The following CDKL5 variants were observed in gnomAD, a reference collection of about 807,000 sequenced individuals.
CDKL5 encodes cyclin-dependent kinase-like 5.
Under a neutral mutation model 61.7 loss-of-function variants are expected in CDKL5, and 8 were observed. The observed-to-expected ratio is 0.13, with a 90% CI of 0.08 to 0.23. CDKL5 has a LOEUF of 0.23. Ranked by LOEUF, CDKL5 falls within the 10% of genes least tolerant of loss-of-function variation. The pLI is 1.00. For synonymous variants in CDKL5, 275 were observed against 272.3 expected (o/e 1.01, Z -0.10); for missense variants, 440 against 734.5 (o/e 0.60, Z 4.63).
At chrX:18,595,941 C>T (rs780841603) in intron 10 of CDKL5, among the ~76,000 whole-genome samples, 12 of 111,760 alleles carry the variant, frequency 1.1e-4, no homozygotes, top group Non-Finnish European at 2.1e-4. Context: ...ATGCTACCCT[C>T]CCTGTCCAGA....
chrX:18,483,040 A>G (rs934440125), intron 1 of CDKL5, among the ~76,000 whole-genome samples: 40 of 112,081 alleles, frequency 3.6e-4, no homozygotes, highest in African/African-American at 1.3e-3. Context: ...TACTGGTCTC[A>G]TTTGGGGAAT....
chrX:18,459,698 C>CTTT lies in CDKL5; in HGVS notation c.-163+34026_-163+34028dup, dbSNP rs756249968. The stretch of plus-strand genomic sequence containing the variant: ...GGGGAGGCCTCAGGAAGCTTTCTTT[C>CTTT]TTTTTTTTTTTTTTTTTTTTTTTTT... On this transcript the variant is annotated intron_variant, in intron 1 of 17. Coordinates refer to ENST00000623535, the MANE Select transcript of CDKL5 (RefSeq NM_001323289.2). Among the ~76,000 whole-genome samples the CTTT allele has an allele frequency of 3.2e-3, 172 of 53,567 alleles. 5 individuals carry two copies. The highest frequency in any genetic ancestry group is 7.2e-3 in the African/African-American group (93 of 13,004). The allele number at this position is 53,567 out of a possible 115,157, so 46.5% of individuals were successfully genotyped here.
At chrX:18,580,682 G>A (rs1925449897) in intron 6 of CDKL5, among the ~76,000 whole-genome samples, 1 of 111,748 alleles carries the variant, frequency 8.9e-6, no homozygotes, top group South Asian at 3.7e-4. Flanking sequence ...TTTTACAGTA[G>A]TGGGACACAA....
At chrX:18,563,612 GACA>G (rs1924872815) in intron 3 of CDKL5, among the ~76,000 whole-genome samples, 1 of 111,488 alleles carries the variant, frequency 9.0e-6, no homozygotes, top group Non-Finnish European at 1.9e-5. Flanking sequence ...TTGATGCAGG[GACA>G]ACGTTTTATT....
intron 1 of CDKL5, among the ~76,000 whole-genome samples, chrX:18,432,605 T>C (rs1416856979): frequency 2.0e-5 from 2 of 99,021 alleles, no homozygotes; most frequent in East Asian, 6.4e-4. Context: ...AAAGATGTCT[T>C]TTTTTTTTTT....
At chrX:18,470,623 C>T (rs1443058950) in intron 1 of CDKL5, among the ~76,000 whole-genome samples, 1 of 110,728 alleles carries the variant, frequency 9.0e-6, no homozygotes, top group African/African-American at 3.3e-5. Context: ...TCAGACTGTA[C>T]ACAATTATAA....
At chrX:18,569,704 C>G (rs1602266355) in intron 4 of CDKL5, among the ~76,000 whole-genome samples, 1 of 111,565 alleles carries the variant, frequency 9.0e-6, no homozygotes, top group East Asian at 2.8e-4. Context: ...AACCTATTGT[C>G]TAGAATTTAT....
chrX:18,545,392 TAC>T (rs371967864), intron 3 of CDKL5, among the ~76,000 whole-genome samples: 2 of 112,371 alleles, frequency 1.8e-5, no homozygotes, highest in African/African-American at 6.5e-5. Flanking sequence ...CTATTGTTTT[TAC>T]ATGTCTTTGT....
At chrX:18,461,230 A>G (rs1381010514) in intron 1 of CDKL5, among the ~76,000 whole-genome samples, 1 of 112,257 alleles carries the variant, frequency 8.9e-6, no homozygotes, top group Non-Finnish European at 1.9e-5. Flanking sequence ...CCTAGGAAGG[A>G]GGGAAGTTGC....
chrX:18,442,129 GTGTCC>G (rs1246336493), intron 1 of CDKL5: 1 of 111,561 alleles, frequency 9.0e-6, no homozygotes, highest in Non-Finnish European at 1.9e-5. Flanking sequence ...TCTGAGGGTA[GTGTCC>G]AGCCTCTCAG....
intron 1 of CDKL5, among the ~76,000 whole-genome samples, chrX:18,427,819 A>T (rs900053373): frequency 2.7e-5 from 3 of 110,507 alleles, no homozygotes; most frequent in Non-Finnish European, 3.8e-5. Context: ...TGTGATTGGT[A>T]TTTTTTTACC....
At position 18,619,962 on chromosome X, in the gene CDKL5, A is replaced by C. The variant is rs35478150; in HGVS notation, c.2372A>C (p.Gln791Pro). 0.044 allele frequency: 49,457 copies of C among 1,127,311 alleles called. 931 individuals are homozygous for C. Among genetic ancestry groups the C allele is most frequent in the Non-Finnish European group, 0.053 (43,227 of 821,614 alleles). 92.9% of individuals were successfully genotyped at this position (1,127,311 alleles called of 1,213,427 possible). A position where few individuals can be genotyped will look rare whatever the true frequency, so the allele number is the denominator to read the frequency against. ...ATGAAAAAGAAAAAGAAGAAATCTC[A>C]AACAGTAAGTAGATGACCAGTTTCT... is the stretch of plus-strand genomic sequence containing the variant. ...RSMKKKKKKSQTVPNSDSPDL... is the reference protein window; with the variant it reads ...RSMKKKKKKSPTVPNSDSPDL... The change falls in exon 16 of 18, where the codon CAA becomes CCA. Residue 791 changes from glutamine to proline, a missense_variant. Coordinates refer to ENST00000623535, the MANE Select transcript of CDKL5 (RefSeq NM_001323289.2).
intron 4 of CDKL5, among the ~76,000 whole-genome samples, chrX:18,569,706 A>G (rs1347846528): frequency 8.9e-6 from 1 of 111,818 alleles, no homozygotes; most frequent in Non-Finnish European, 1.9e-5. Flanking sequence ...CCTATTGTCT[A>G]GAATTTATTT....
intron 3 of CDKL5, among the ~76,000 whole-genome samples, chrX:18,518,439 T>C (rs1368393416): frequency 2.4e-5 from 2 of 82,572 alleles, no homozygotes; most frequent in Non-Finnish European, 4.5e-5. Context: ...AGAGTCTCGC[T>C]CTGTCGCCAG....
intron 10 of CDKL5, among the ~76,000 whole-genome samples, chrX:18,596,067 G>A (rs770470811): frequency 3.6e-5 from 4 of 111,380 alleles, no homozygotes; most frequent in African/African-American, 1.3e-4. Context: ...TATTTCTCCA[G>A]CTTTCACTGC....
At chrX:18,535,632 A>G (rs180764431) in intron 3 of CDKL5, 1 of 135,607 alleles carries the variant, frequency 7.4e-6, no homozygotes, top group East Asian at 1.8e-4. Context: ...CTTGCAAACG[A>G]GATCTTTCCC....
In CDKL5 at chrX:18,518,388, A is replaced by ATTTTTTTTTTTTTTTT. The variant is rs779361711; in HGVS notation, c.99+7554_99+7569dup. Reference sequence around the variant, plus strand: ...AAGTCATGTTTTCTTTTCTTTTCTTATTTTTTTTTTTTTTTTTTTTTTTTT... The same window carrying ATTTTTTTTTTTTTTTT: ...AAGTCATGTTTTCTTTTCTTTTCTTATTTTTTTTTTTTTTTTTTTTTTTTTTTTTTTTTTTTTTTTT... On this transcript the variant is annotated intron_variant, in intron 3 of 17. Transcript: ENST00000623535. 9.0e-4 allele frequency among the ~76,000 whole-genome samples: 19 copies of ATTTTTTTTTTTTTTTT among 21,164 alleles called. 5 individuals are homozygous for ATTTTTTTTTTTTTTTT. The highest frequency in any genetic ancestry group is 1.7e-3 in the Admixed American group (2 of 1,193). 18.4% of individuals were successfully genotyped at this position (21,164 alleles called of 115,157 possible). A position where few individuals can be genotyped will look rare whatever the true frequency, so the allele number is the denominator to read the frequency against.
intron 1 of CDKL5, among the ~76,000 whole-genome samples, chrX:18,464,754 C>T (rs1055200365): frequency 4.5e-5 from 5 of 111,442 alleles, no homozygotes; most frequent in Non-Finnish European, 9.4e-5. Flanking sequence ...GTGAGGTCTA[C>T]CCCAGGTTCA....
chrX:18,617,735 C>A (rs1300574622), intron 15 of CDKL5, among the ~76,000 whole-genome samples: 1 of 112,025 alleles, frequency 8.9e-6, no homozygotes, highest in Non-Finnish European at 1.9e-5. Context: ...ACGCTTCGCT[C>A]CTAGTTTTCA....
Sources: allele counts gnomAD v4.1 joint callset (sites outside exome capture counted in the v4.1 genomes callset), GRCh38; gene constraint gnomAD v4.1.1; transcripts MANE v1.5; gene names NCBI Gene and HGNC (gene_info 2026-07-23, HGNC 2026-07-21).